The following PLCXD3 variants were observed in gnomAD, a reference collection of about 807,000 sequenced individuals.
PLCXD3 encodes the protein PI-PLC X domain-containing protein 3.
A neutral mutation model predicts 25.5 loss-of-function variants in PLCXD3; 19 were observed. That is an observed-to-expected ratio of 0.75 (90% CI 0.52 to 1.09). PLCXD3 has a LOEUF of 1.09. Among genes scored for constraint, PLCXD3 ranks in the 50% least tolerant of loss-of-function variants. The pLI, the probability that PLCXD3 is intolerant of heterozygous loss-of-function variation, is 0.00. For missense variants in PLCXD3, 411 were observed against 388.1 expected (o/e 1.06, Z -0.50); for synonymous variants, 174 against 137.6 (o/e 1.26, Z -1.85).
intron 2 of PLCXD3, among the ~76,000 whole-genome samples, chr5:41,337,936 A>T (rs1244664699): frequency 6.6e-6 from 1 of 152,108 alleles, no homozygotes; most frequent in African/African-American, 2.4e-5. Context: ...GGGAAATCAT[A>T]TTACCTGACA....
At chr5:41,455,583 T>C in intron 1 of PLCXD3, among the ~76,000 whole-genome samples, 1 of 151,752 alleles carries the variant, frequency 6.6e-6, no homozygotes, top group Non-Finnish European at 1.5e-5. Flanking sequence ...TAAACTCTGA[T>C]GGAATGAGAA....
At chr5:41,413,690 GT>G (rs1221453580) in intron 1 of PLCXD3, among the ~76,000 whole-genome samples, 2 of 152,008 alleles carry the variant, frequency 1.3e-5, no homozygotes, top group African/African-American at 2.4e-5. Context: ...ATTATTACTA[GT>G]TTAGGCAATG....
intron 2 of PLCXD3, among the ~76,000 whole-genome samples, chr5:41,326,019 A>C (rs1436957758): frequency 6.6e-6 from 1 of 152,196 alleles, no homozygotes. Flanking sequence ...CTGCCCTCAC[A>C]ACCTAATCGC....
chr5:41,370,760 C>T (rs1437938093), intron 2 of PLCXD3, among the ~76,000 whole-genome samples: 1 of 152,132 alleles, frequency 6.6e-6, no homozygotes, highest in African/African-American at 2.4e-5. Flanking sequence ...AATATGCCTC[C>T]CTCTGTGAAA....
At chr5:41,458,084 T>C (rs1000851651) in intron 1 of PLCXD3, among the ~76,000 whole-genome samples, 10 of 151,868 alleles carry the variant, frequency 6.6e-5, no homozygotes, top group Non-Finnish European at 1.2e-4. Context: ...ATAGGAGTTG[T>C]TACTGGAACA....
intron 1 of PLCXD3, among the ~76,000 whole-genome samples, chr5:41,453,811 C>T (rs201514518): frequency 1.3e-5 from 2 of 151,888 alleles, no homozygotes; most frequent in South Asian, 4.1e-4. Flanking sequence ...CACTTTTCCC[C>T]AGAATGGTAT....
At chr5:41,381,588 C>A (rs757019856) in intron 2 of PLCXD3, among the ~76,000 whole-genome samples, 5 of 152,010 alleles carry the variant, frequency 3.3e-5, no homozygotes, top group African/African-American at 4.8e-5. Flanking sequence ...GAAACAGATT[C>A]TTTTTTAGAG....
chr5:41,331,637 C>A (rs1743808658), intron 2 of PLCXD3, among the ~76,000 whole-genome samples: 1 of 152,166 alleles, frequency 6.6e-6, no homozygotes, highest in East Asian at 1.9e-4. Flanking sequence ...ATCCCCAAGT[C>A]AATCCTAAGC....
At chr5:41,491,253 T>A (rs1288563424) in intron 1 of PLCXD3, among the ~76,000 whole-genome samples, 7 of 152,182 alleles carry the variant, frequency 4.6e-5, no homozygotes, top group African/African-American at 1.4e-4. Context: ...TTTGAGTGAG[T>A]TTCTTAATCC....
chr5:41,505,878 A>C (rs1428366972), intron 1 of PLCXD3, among the ~76,000 whole-genome samples: 1 of 152,258 alleles, frequency 6.6e-6, no homozygotes, highest in Non-Finnish European at 1.5e-5. Flanking sequence ...TCTGGCTTTA[A>C]GCCTGATTAT....
chr5:41,365,189 T>C (rs560137845), intron 2 of PLCXD3, among the ~76,000 whole-genome samples: 1 of 152,306 alleles, frequency 6.6e-6, no homozygotes, highest in African/African-American at 2.4e-5. Flanking sequence ...TTTTTCACCA[T>C]AGAAATTTTT....
At chr5:41,476,720 C>T (rs1748291760) in intron 1 of PLCXD3, among the ~76,000 whole-genome samples, 1 of 152,088 alleles carries the variant, frequency 6.6e-6, no homozygotes. Context: ...ATGCTGAGTC[C>T]TGTGAGTCCC....
chr5:41,338,271 G>A (rs1033168782), intron 2 of PLCXD3, among the ~76,000 whole-genome samples: 3 of 152,122 alleles, frequency 2.0e-5, no homozygotes, highest in African/African-American at 7.2e-5. Flanking sequence ...ATAAGTGTAG[G>A]GAATGTTGAA....
chr5:41,452,167 G>A (rs1331874177), intron 1 of PLCXD3, among the ~76,000 whole-genome samples: 1 of 151,954 alleles, frequency 6.6e-6, no homozygotes, highest in Non-Finnish European at 1.5e-5. Context: ...AAATTTAGCT[G>A]ATGTTGTCTG....
At chr5:41,499,385 A>G (rs1042293339) in intron 1 of PLCXD3, among the ~76,000 whole-genome samples, 1 of 151,738 alleles carries the variant, frequency 6.6e-6, no homozygotes, top group African/African-American at 2.4e-5. Context: ...TAAGAAAACA[A>G]TCCCACTTAC....
At chr5:41,334,060 C>T (rs1363927865) in intron 2 of PLCXD3, among the ~76,000 whole-genome samples, 1 of 152,130 alleles carries the variant, frequency 6.6e-6, no homozygotes, top group Non-Finnish European at 1.5e-5. Flanking sequence ...TGATCAGAAA[C>T]AAGCACAGCC....
intron 2 of PLCXD3, among the ~76,000 whole-genome samples, chr5:41,371,035 A>C (rs898195710): frequency 6.6e-6 from 1 of 152,162 alleles, no homozygotes; most frequent in African/African-American, 2.4e-5. Flanking sequence ...AGTCAAGTTG[A>C]CTGAAAATAT....
At chr5:41,487,358 G>T (rs1239512379) in intron 1 of PLCXD3, among the ~76,000 whole-genome samples, 1 of 152,058 alleles carries the variant, frequency 6.6e-6, no homozygotes. Context: ...CTCTTTTTGG[G>T]TTCTCTTTCT....
At chr5:41,402,255 A>G in intron 1 of PLCXD3, among the ~76,000 whole-genome samples, 1 of 151,816 alleles carries the variant, frequency 6.6e-6, no homozygotes, top group Non-Finnish European at 1.5e-5. Flanking sequence ...TGCTTTAGCT[A>G]CATCTCAGAA....
Sources: gnomAD v4.1 joint callset for allele counts (sites outside exome capture counted in the v4.1 genomes callset) on GRCh38, gnomAD v4.1.1 for gene constraint, MANE v1.5 for transcripts, NCBI Gene and HGNC (gene_info 2026-07-23, HGNC 2026-07-21) for gene names.